OCA2: variants seen among roughly 807,000 people sequenced by gnomAD.
OCA2 encodes P protein.
Under a neutral mutation model 100.2 loss-of-function variants are expected in OCA2, and 77 were observed. That is an observed-to-expected ratio of 0.77 (90% CI 0.64 to 0.93). OCA2 has a LOEUF of 0.93. Among genes scored for constraint, OCA2 ranks in the 40% least tolerant of loss-of-function variants. The probability of loss-of-function intolerance (pLI) is 0.00; values close to 1 mark genes in which losing one functional copy is unlikely to be tolerated. For missense variants in OCA2, 1,062 were observed against 1,089.1 expected (o/e 0.98, Z 0.35); for synonymous variants, 432 against 439.2 (o/e 0.98, Z 0.21).
At chr15:28,041,527 C>T (rs996961045) in intron 2 of OCA2, among the ~76,000 whole-genome samples, 2 of 152,112 alleles carry the variant, frequency 1.3e-5, no homozygotes, top group African/African-American at 4.8e-5. Context: ...CTAGCCAGAA[C>T]AGGTGGGGAG....
chr15:28,056,227 G>C (rs897396866), intron 2 of OCA2, among the ~76,000 whole-genome samples: 1 of 152,160 alleles, frequency 6.6e-6, no homozygotes, highest in Admixed American at 6.5e-5. Flanking sequence ...TAGAAACAGC[G>C]TTTTCATATG....
At chr15:27,931,187 A>G (rs2039235239) in intron 18 of OCA2, among the ~76,000 whole-genome samples, 1 of 150,120 alleles carries the variant, frequency 6.7e-6, no homozygotes, top group African/African-American at 2.4e-5. Flanking sequence ...CAAAACAAAA[A>G]AAGTACTAAG....
rs1445992682 is a variant in OCA2, at chr15:28,035,175, GTT to G, written c.228-3014_228-3013del. ...CCACATCTGGCTGATTTTTATTACT[GTT>G]TAACACTTACATTTATGCACTTTGT... On this transcript the variant is annotated intron_variant, in intron 2 of 23. Coordinates refer to ENST00000354638, the MANE Select transcript of OCA2 (RefSeq NM_000275.3). 7.9e-5 allele frequency among the ~76,000 whole-genome samples: 12 copies of G among 152,130 alleles called. No individual in the cohort carries two copies. The East Asian group carries it at 2.3e-3, about 29-fold the overall frequency.
intron 3 of OCA2, 141 bp from the exon 4 acceptor site, chr15:28,028,200 A>C: frequency 1.2e-5 from 12 of 969,684 alleles, no homozygotes; most frequent in Non-Finnish European, 1.8e-5. Context: ...GTGCACTCTC[A>C]TACTGGTGGG....
At chr15:28,088,674 A>G (rs145308517) in intron 1 of OCA2, among the ~76,000 whole-genome samples, 2,100 of 152,342 alleles carry the variant, frequency 0.014, 40 homozygotes, top group African/African-American at 0.047. Flanking sequence ...CCGTAAAACC[A>G]GCAAGTTTTT....
At chr15:27,872,801 T>C (rs2036635342) in intron 19 of OCA2, among the ~76,000 whole-genome samples, 1 of 152,046 alleles carries the variant, frequency 6.6e-6, no homozygotes, top group South Asian at 2.1e-4. Flanking sequence ...GTGATTCTCC[T>C]GCCTCAGCCT....
the OCA2 span, among the ~76,000 whole-genome samples, chr15:27,735,155 G>A: frequency 2.6e-5 from 4 of 152,058 alleles, no homozygotes; most frequent in African/African-American, 9.7e-5. Flanking sequence ...AAATTTAACA[G>A]TCAGATTGAA....
chr15:27,774,245 G>A (rs1430877738), intron 23 of OCA2, among the ~76,000 whole-genome samples: 1 of 152,162 alleles, frequency 6.6e-6, no homozygotes, highest in Admixed American at 6.5e-5. Flanking sequence ...AGGCCCCATC[G>A]AGTGCATTCC....
chr15:27,909,745 A>G (rs913779996), intron 19 of OCA2, among the ~76,000 whole-genome samples: 2 of 152,180 alleles, frequency 1.3e-5, no homozygotes, highest in Non-Finnish European at 2.9e-5. Context: ...TATATGCAAG[A>G]AAAAAACCCA....
intron 23 of OCA2, among the ~76,000 whole-genome samples, chr15:27,813,320 C>G (rs1383853478): frequency 6.6e-6 from 1 of 152,152 alleles, no homozygotes; most frequent in Non-Finnish European, 1.5e-5. Context: ...CTCCCCTCCA[C>G]CCTCCTGACC....
At chr15:27,966,843 A>C in intron 14 of OCA2, 21 bp from the exon 15 acceptor site, 1 of 1,600,464 alleles carries the variant, frequency 6.2e-7, no homozygotes, top group Non-Finnish European at 8.5e-7. Flanking sequence ...ACAAGGGGAA[A>C]TGAAATGGCA....
At chr15:27,763,877 G>C (rs1159339404) in intron 23 of OCA2, among the ~76,000 whole-genome samples, 1 of 152,194 alleles carries the variant, frequency 6.6e-6, no homozygotes, top group Non-Finnish European at 1.5e-5. Context: ...GGCAGCCAGA[G>C]AGACATTTAA....
intron 17 of OCA2, among the ~76,000 whole-genome samples, chr15:27,952,527 G>A (rs760290939): frequency 2.7e-4 from 41 of 152,228 alleles, no homozygotes; most frequent in Non-Finnish European, 4.0e-4. Context: ...TGGGGCCAGG[G>A]CAGGGAAGCA....
chr15:27,989,575 A>T, intron 11 of OCA2, 26 bp downstream of exon 11: 13 of 1,603,976 alleles, frequency 8.1e-6, no homozygotes, highest in Non-Finnish European at 1.1e-5. Flanking sequence ...CGTGGAGCCC[A>T]GTCCCACGGG....
At chr15:27,722,792 CTCTCTCTCTT>C in the OCA2 span, among the ~76,000 whole-genome samples, 1,395 of 144,400 alleles carry the variant, frequency 9.7e-3, 10 homozygotes, top group Admixed American at 0.015. Context: ...CTCTCTCTCT[CTCTCTCTCTT>C]TCTCTCTCTC....
intron 2 of OCA2, 114 bp downstream of exon 2, chr15:28,081,534 A>C (rs747779973): frequency 1.9e-4 from 190 of 1,009,814 alleles, no homozygotes; most frequent in Admixed American, 3.0e-4. Context: ...TGCTGGAAAA[A>C]TTCTTGCAAA....
chr15:27,772,818 G>A lies in OCA2; in HGVS notation c.2433-17346C>T, dbSNP rs141792763. 6.5e-3 allele frequency among the ~76,000 whole-genome samples: 928 copies of A among 143,130 alleles called. 15 individuals are homozygous for A. The highest frequency in any genetic ancestry group is 0.023 in the African/African-American group (860 of 37,890). 93.9% of individuals were successfully genotyped at this position (143,130 alleles called of 152,430 possible). On this transcript the variant is annotated intron_variant, in intron 23 of 23. Transcript: ENST00000354638. ...ATCTCGCCACTGCACTCCAGCCTGC[G>A]TGACAGAGGGAGACTCTATCTCAAA...
chr15:28,053,785 G>A (rs1314016546), intron 2 of OCA2, among the ~76,000 whole-genome samples: 3 of 152,176 alleles, frequency 2.0e-5, no homozygotes, highest in South Asian at 2.1e-4. Flanking sequence ...GATGCTCAGC[G>A]CAACCACGGG....
the OCA2 span, among the ~76,000 whole-genome samples, chr15:27,727,091 C>T: frequency 6.6e-6 from 1 of 152,184 alleles, no homozygotes; most frequent in Non-Finnish European, 1.5e-5. Context: ...AGAAGGCGCA[C>T]CATGTGCAAC....
Sources: gnomAD v4.1 joint callset for allele counts (sites outside exome capture counted in the v4.1 genomes callset) on GRCh38, gnomAD v4.1.1 for gene constraint, MANE v1.5 for transcripts, NCBI Gene and HGNC (gene_info 2026-07-23, HGNC 2026-07-21) for gene names.